NYAP2: variants seen among roughly 807,000 people sequenced by gnomAD.
NYAP2 encodes the protein neuronal tyrosine-phosphorylated phosphoinositide-3-kinase adaptor 2, also known as neuronal tyrosine-phosphorylated phosphoinositide-3-kinase adapter 2.
A neutral mutation model predicts 50.4 loss-of-function variants in NYAP2; 23 were observed. The ratio of observed to expected loss-of-function variants is 0.46; its 90% CI spans 0.33 to 0.65. The LOEUF (loss-of-function observed/expected upper bound fraction) is 0.65, where lower values mean the gene tolerates loss of function less well. Ranked by LOEUF, NYAP2 falls within the 30% of genes least tolerant of loss-of-function variation. The probability of loss-of-function intolerance (pLI) is 0.02; values close to 1 mark genes in which losing one functional copy is unlikely to be tolerated. For synonymous variants in NYAP2, 394 were observed against 365.2 expected (o/e 1.08, Z -0.90); for missense variants, 885 against 861.0 (o/e 1.03, Z -0.35).
intron 3 of NYAP2, among the ~76,000 whole-genome samples, chr2:225,468,941 A>T (rs1317277023): frequency 6.6e-6 from 1 of 152,144 alleles, no homozygotes; most frequent in Non-Finnish European, 1.5e-5. Context: ...GTACCTCAAG[A>T]CTCTCATTCC....
chr2:225,478,167 G>A (rs1690149002), intron 3 of NYAP2, among the ~76,000 whole-genome samples: 1 of 152,178 alleles, frequency 6.6e-6, no homozygotes, highest in African/African-American at 2.4e-5. Context: ...GTATAGAGAT[G>A]CTGTTTGTCA....
chr2:225,587,812 T>C (rs1020274209), intron 5 of NYAP2, among the ~76,000 whole-genome samples: 1 of 129,842 alleles, frequency 7.7e-6, no homozygotes, highest in East Asian at 2.1e-4. Context: ...AAAAGAGAAA[T>C]GATGTCTTGG....
chr2:225,550,860 A>C (rs1691661494), intron 4 of NYAP2, among the ~76,000 whole-genome samples: 1 of 152,146 alleles, frequency 6.6e-6, no homozygotes, highest in African/African-American at 2.4e-5. Flanking sequence ...CCGGCTGTAA[A>C]TTTTGGTTTG....
intron 3 of NYAP2, among the ~76,000 whole-genome samples, chr2:225,446,224 C>G (rs150857201): frequency 0.017 from 1,530 of 89,078 alleles, 23 homozygotes; most frequent in African/African-American, 0.064. Context: ...CTGTCTCTCT[C>G]TCTCTCTCTC....
chr2:225,658,422 A>AAAAGAAATTACGCTAC (rs1484704421), downstream of NYAP2, among the ~76,000 whole-genome samples: 1 of 152,226 alleles, frequency 6.6e-6, no homozygotes, highest in Admixed American at 6.5e-5. Flanking sequence ...GATTATGTTA[A>AAAAGAAATTACGCTAC]AAAGAAATTA....
At chr2:225,606,559 A>G (rs1692791136) in intron 5 of NYAP2, among the ~76,000 whole-genome samples, 2 of 152,104 alleles carry the variant, frequency 1.3e-5, no homozygotes, top group African/African-American at 2.4e-5. Context: ...TTGACTTTTC[A>G]GTCATTCTCT....
At chr2:225,638,797 C>G (rs67859726) in intron 6 of NYAP2, among the ~76,000 whole-genome samples, 5,134 of 152,262 alleles carry the variant, frequency 0.034, 121 homozygotes, top group Non-Finnish European at 0.05. Flanking sequence ...CCCATCTCTC[C>G]TGCTCTCTCC....
At chr2:225,570,004 G>C (rs1437094855) in intron 4 of NYAP2, among the ~76,000 whole-genome samples, 1 of 152,188 alleles carries the variant, frequency 6.6e-6, no homozygotes, top group African/African-American at 2.4e-5. Context: ...TAGAGCTGAG[G>C]AAATGTCTGC....
At chr2:225,438,103 A>G (rs1463398888) in intron 3 of NYAP2, among the ~76,000 whole-genome samples, 1 of 152,192 alleles carries the variant, frequency 6.6e-6, no homozygotes, top group Non-Finnish European at 1.5e-5. Flanking sequence ...TTAGATGTTG[A>G]GTATGTTCCT....
chr2:225,424,599 A>G (rs899505584), intron 3 of NYAP2, among the ~76,000 whole-genome samples: 23 of 152,160 alleles, frequency 1.5e-4, no homozygotes, highest in African/African-American at 4.8e-4. Flanking sequence ...GCATTTACCT[A>G]TATTTACCCA....
the NYAP2 span, among the ~76,000 whole-genome samples, chr2:225,661,872 C>A: frequency 3.3e-5 from 5 of 151,984 alleles, no homozygotes. Context: ...TACAGACATG[C>A]ACCACCACAC....
intron 3 of NYAP2, among the ~76,000 whole-genome samples, chr2:225,454,350 AAAAC>A (rs909789627): frequency 1.6e-4 from 25 of 152,300 alleles, no homozygotes; most frequent in African/African-American, 5.8e-4. Flanking sequence ...AACAAAAACA[AAAAC>A]AAAAAACTTT....
At position 225,533,644 on chromosome 2, in the gene NYAP2, G is replaced by A. The variant is rs373197969; in HGVS notation, c.523+19972G>A. 6.6e-5 allele frequency among the ~76,000 whole-genome samples: 10 copies of A among 151,682 alleles called. No individual in the cohort carries two copies. The East Asian group carries it at 1.7e-3, about 26-fold the overall frequency. ...GTGGAGGTTGCAGTGAGCCAAGATC[G>A]CACCACTACACTCCAGCCTGGGTGA... On this transcript the variant is annotated intron_variant, in intron 4 of 6. Transcript: ENST00000636099.
intron 2 of NYAP2, among the ~76,000 whole-genome samples, chr2:225,408,315 G>A (rs1694974982): frequency 6.6e-6 from 1 of 151,998 alleles, no homozygotes; most frequent in South Asian, 2.1e-4. Context: ...TTCTTTTCTA[G>A]AAAAGTTATA....
chr2:225,505,078 C>T (rs769967085), intron 3 of NYAP2, among the ~76,000 whole-genome samples: 5 of 151,060 alleles, frequency 3.3e-5, no homozygotes, highest in Non-Finnish European at 5.9e-5. Flanking sequence ...GAAACTGAGT[C>T]CTTTCTCTTC....
intron 2 of NYAP2, among the ~76,000 whole-genome samples, chr2:225,401,664 G>A (rs1694864570): frequency 6.6e-6 from 1 of 151,792 alleles, no homozygotes; most frequent in African/African-American, 2.4e-5. Context: ...GTTTTACTTG[G>A]GACATGTTCT....
intron 5 of NYAP2, among the ~76,000 whole-genome samples, chr2:225,620,501 G>A (rs963299182): frequency 6.0e-5 from 9 of 150,522 alleles, no homozygotes; most frequent in African/African-American, 1.7e-4. Flanking sequence ...ACACACGCAC[G>A]CACACACACA....
intron 4 of NYAP2, among the ~76,000 whole-genome samples, chr2:225,557,678 T>C (rs12104606): frequency 0.027 from 4,184 of 152,216 alleles, 182 homozygotes; most frequent in African/African-American, 0.094. Flanking sequence ...ATCAAATATG[T>C]CATTCTAATG....
intron 4 of NYAP2, among the ~76,000 whole-genome samples, chr2:225,519,282 A>T (rs918743804): frequency 1.8e-4 from 27 of 151,146 alleles, no homozygotes; most frequent in African/African-American, 6.3e-4. Context: ...ATTTTATTTT[A>T]TTATTATACT....
Sources: allele counts gnomAD v4.1 joint callset (sites outside exome capture counted in the v4.1 genomes callset), GRCh38; gene constraint gnomAD v4.1.1; transcripts MANE v1.5; gene names NCBI Gene and HGNC (gene_info 2026-07-23, HGNC 2026-07-21).